The following ATAD5 variants were observed in gnomAD, a reference collection of about 807,000 sequenced individuals.
The protein encoded by ATAD5 is ATPase family AAA domain containing 5.
ATAD5 carries 58 observed loss-of-function variants against 176.9 expected under a neutral mutation model. That is an observed-to-expected ratio of 0.33 (90% CI 0.27 to 0.41). The LOEUF (loss-of-function observed/expected upper bound fraction) is 0.41, where lower values mean the gene tolerates loss of function less well. ATAD5 is among the 10% of genes least tolerant of loss of function. ATAD5 has a pLI of 1.00. For missense variants in ATAD5, 1,789 were observed against 2,094.1 expected (o/e 0.85, Z 2.84); for synonymous variants, 640 against 712.6 (o/e 0.90, Z 1.62).
intron 17 of ATAD5, among the ~76,000 whole-genome samples, chr17:30,878,724 T>TG (rs1908821546): frequency 1.3e-4 from 11 of 85,816 alleles, no homozygotes; most frequent in Admixed American, 3.9e-4. Flanking sequence ...TGGTGTTTTT[T>TG]TTTTTTTTTT....
chr17:30,865,662 G>T, intron 10 of ATAD5, 42 bp from the exon 11 acceptor site: 1 of 1,233,330 alleles, frequency 8.1e-7, no homozygotes, highest in Non-Finnish European at 1.1e-6. Context: ...ATATGTTTAT[G>T]TCAAGGAATG....
At chr17:30,846,503 A>G (rs1424791722) in intron 6 of ATAD5, among the ~76,000 whole-genome samples, 1 of 151,242 alleles carries the variant, frequency 6.6e-6, no homozygotes, top group Admixed American at 6.6e-5. Context: ...CCCGGGTTCA[A>G]GCGATTCTCC....
At chr17:30,882,016 T>C (rs927608462) in intron 18 of ATAD5, among the ~76,000 whole-genome samples, 2 of 152,046 alleles carry the variant, frequency 1.3e-5, no homozygotes, top group African/African-American at 4.8e-5. Context: ...TCCCAGCACT[T>C]TGGGAGGCTG....
At position 30,894,953 on chromosome 17, in the gene ATAD5, G is replaced by T; in HGVS notation, c.*40G>T. The T allele has an allele frequency of 1.5e-6, 2 of 1,359,442 alleles. No individual in the cohort carries two copies. Among genetic ancestry groups the T allele is most frequent in the Non-Finnish European group, 1.0e-6 (1 of 994,106 alleles). 84.2% of individuals were successfully genotyped at this position (1,359,442 alleles called of 1,614,324 possible). The stretch of plus-strand genomic sequence containing the variant: ...AATGCTTTGTATAGATTATCATGTG[G>T]TCCTTAAGATACATTTTTATATTAT... On this transcript the variant is annotated 3_prime_UTR_variant, in exon 23 of 23. Transcript: ENST00000321990.
rs1567696442 is a variant in ATAD5, at chr17:30,878,716, G to GTTTTTTT, written c.4012+621_4012+622insTTTTTTT. On this transcript the variant is annotated intron_variant, in intron 17 of 22. Coordinates refer to ENST00000321990, the MANE Select transcript of ATAD5 (RefSeq NM_024857.5). ...AATCTTATTAATCAGAAGTTAGGTG[G>GTTTTTTT]TGTTTTTTTTTTTTTTTTTTTTTTT... Among the ~76,000 whole-genome samples, 2 of 82,658 alleles carry GTTTTTTT rather than the reference G, an allele frequency of 2.4e-5. 1 individual carries two copies. The highest frequency in any genetic ancestry group is 4.9e-5 in the Non-Finnish European group (2 of 40,562). The allele number at this position is 82,658 out of a possible 152,430, so 54.2% of individuals were successfully genotyped here.
At chr17:30,874,718 C>T (rs766692644) in intron 14 of ATAD5, among the ~76,000 whole-genome samples, 30 of 151,050 alleles carry the variant, frequency 2.0e-4, no homozygotes, top group Admixed American at 3.3e-4. Context: ...GCAACCTCCA[C>T]CTCCCAGGTT....
At chr17:30,856,896 T>A (rs555330518) in intron 7 of ATAD5, 59 bp from the exon 8 acceptor site, 2 of 1,403,540 alleles carry the variant, frequency 1.4e-6, no homozygotes, top group African/African-American at 3.0e-5. Context: ...TATTTGACAT[T>A]CAGTAAATGG....
At chr17:30,854,135 C>T (rs963795682) in intron 6 of ATAD5, among the ~76,000 whole-genome samples, 1 of 148,092 alleles carries the variant, frequency 6.8e-6, no homozygotes, top group East Asian at 2.0e-4. Context: ...AATTTTATTA[C>T]CTAAATGTAT....
chr17:30,836,305 A>G (rs1004046892), intron 2 of ATAD5, among the ~76,000 whole-genome samples: 6 of 151,740 alleles, frequency 4.0e-5, no homozygotes, highest in Admixed American at 1.3e-4. Context: ...TAGCCTCCCA[A>G]GTAGCTGGGA....
chr17:30,875,242 T>C (rs964783004), intron 14 of ATAD5, among the ~76,000 whole-genome samples: 3 of 152,116 alleles, frequency 2.0e-5, no homozygotes, highest in Non-Finnish European at 2.9e-5. Context: ...GGATGTATTA[T>C]GTGGAAAAAT....
chr17:30,870,095 CAG>C (rs1285631409), intron 14 of ATAD5, among the ~76,000 whole-genome samples: 2 of 152,066 alleles, frequency 1.3e-5, no homozygotes, highest in African/African-American at 4.8e-5. Flanking sequence ...GCCTGGGTGA[CAG>C]AGTGAGATCC....
intron 18 of ATAD5, among the ~76,000 whole-genome samples, chr17:30,884,504 C>T (rs1335738635): frequency 7.1e-6 from 1 of 141,386 alleles, no homozygotes; most frequent in Non-Finnish European, 1.5e-5. Flanking sequence ...TCTCAGCTCA[C>T]TGCAACCTCT....
chr17:30,870,389 A>G (rs1013993873), intron 14 of ATAD5, among the ~76,000 whole-genome samples: 7 of 152,176 alleles, frequency 4.6e-5, no homozygotes, highest in Admixed American at 4.6e-4. Flanking sequence ...GGTGTCAGTT[A>G]GTATAGTCCT....
At chr17:30,884,424 C>CTTTTTTTTTTTTTTTTTTTTTTTT (rs61664127) in intron 18 of ATAD5, among the ~76,000 whole-genome samples, 2 of 80,982 alleles carry the variant, frequency 2.5e-5, no homozygotes, top group Non-Finnish European at 2.2e-5. Flanking sequence ...CTTTTCTTTT[C>CTTTTTTTTTTTTTTTTTTTTTTTT]TTTTTTTTTT....
chr17:30,884,424 C>CTTTTTTTTTTTTTTTTTTTTTT (rs61664127), intron 18 of ATAD5, among the ~76,000 whole-genome samples: 5 of 80,982 alleles, frequency 6.2e-5, no homozygotes, highest in African/African-American at 1.8e-4. Flanking sequence ...CTTTTCTTTT[C>CTTTTTTTTTTTTTTTTTTTTTT]TTTTTTTTTT....
Position 30,887,328 on chromosome 17 carries a change from G to C in ATAD5, c.4214G>C (p.Arg1405Thr). The C allele has an allele frequency of 6.2e-7, 1 of 1,606,916 alleles. No individual in the cohort carries two copies. Among genetic ancestry groups the C allele is most frequent in the Non-Finnish European group, 8.5e-7 (1 of 1,177,916 alleles). Residue 1405 changes from arginine (R) to threonine (T), a missense_variant, in exon 19 of 23, where the codon AGA (arginine) becomes ACA (threonine). By Grantham distance (71) the Arg-to-Thr change is moderately conservative (BLOSUM62 -1). Around this residue, in one of 6 missense-constraint regions of ATAD5, gnomAD observed 3 missense variants for 17.8 expected, o/e 0.17. Coordinates refer to ENST00000321990, the MANE Select transcript of ATAD5 (RefSeq NM_024857.5). ...KSILYLQFWI[R>T]SGGGVLEERP... is the part of the protein sequence containing the mutation. ...ATCCTTTACTTACAATTCTGGATTA[G>C]AAGTGGAGGTGGAGTTTTAGAAGAA...
intron 18 of ATAD5, among the ~76,000 whole-genome samples, chr17:30,886,725 T>G (rs1909344231): frequency 6.6e-6 from 1 of 151,622 alleles, no homozygotes; most frequent in Admixed American, 6.6e-5. Flanking sequence ...CTGGGCAATA[T>G]AGTGAGACCC....
intron 8 of ATAD5, 129 bp from the exon 9 acceptor site, chr17:30,858,032 C>T: frequency 2.5e-6 from 2 of 787,280 alleles, no homozygotes; most frequent in Non-Finnish European, 1.8e-6. Flanking sequence ...GCGTGAGCCA[C>T]CACGCCCGGC....
Position 30,834,814 on chromosome 17 carries a change from C to T in ATAD5, c.733C>T (p.His245Tyr). The T allele has an allele frequency of 6.2e-7, 1 of 1,613,882 alleles. No individual in the cohort carries two copies. Among genetic ancestry groups the T allele is most frequent in the Non-Finnish European group, 8.5e-7 (1 of 1,179,924 alleles). Residue 245 changes from histidine to tyrosine, a missense_variant, in exon 2 of 23, where the codon CAT becomes TAT. This residue lies in a region of ATAD5 where 696 missense variants were observed against 712.5 expected (regional missense o/e 0.98). Coordinates refer to ENST00000321990, the MANE Select transcript of ATAD5 (RefSeq NM_024857.5). ...DTKQMENTTS[H>Y]ANSRDNVTEA... ...TAAACAGATGGAGAATACTACAAGCCATGCAAACTCTAGAGATAACGTAAC... is the reference window on the plus strand; with the variant it reads ...TAAACAGATGGAGAATACTACAAGCTATGCAAACTCTAGAGATAACGTAAC...
Sources: gnomAD v4.1 joint callset for allele counts (sites outside exome capture counted in the v4.1 genomes callset) on GRCh38, gnomAD v4.1.1 for gene constraint, gnomAD v4.1.1 regional missense constraint, MANE v1.5 for transcripts, NCBI Gene and HGNC (gene_info 2026-07-23, HGNC 2026-07-21) for gene names.